WWTR1: variants seen among roughly 807,000 people sequenced by gnomAD.
WWTR1 encodes WW domain containing transcription regulator 1, also known as WW domain-containing transcription regulator protein 1.
In WWTR1, 13 loss-of-function variants were observed where a neutral mutation model predicts 40.1. The observed-to-expected ratio is 0.32, with a 90% CI of 0.21 to 0.52. WWTR1 has a LOEUF of 0.52. Among genes scored for constraint, WWTR1 ranks in the 20% least tolerant of loss-of-function variants. The pLI is 0.97. For synonymous variants in WWTR1, 230 were observed against 210.1 expected (o/e 1.09, Z -0.82); for missense variants, 436 against 523.1 (o/e 0.83, Z 1.63).
chr3:149,641,085 C>T (rs1712145661), intron 2 of WWTR1, among the ~76,000 whole-genome samples: 1 of 152,256 alleles, frequency 6.6e-6, no homozygotes, highest in South Asian at 2.1e-4. Flanking sequence ...TATGCAGGGT[C>T]CTTTTATCTT....
chr3:149,712,576 A>G (rs928432876), intron 5 of WWTR1, among the ~76,000 whole-genome samples: 19 of 152,206 alleles, frequency 1.2e-4, no homozygotes, highest in Non-Finnish European at 1.9e-4. Context: ...ATCAAGAGGA[A>G]AAGTAAGTGC....
At chr3:149,578,014 C>G (rs1011954327) in intron 2 of WWTR1, among the ~76,000 whole-genome samples, 3 of 117,996 alleles carry the variant, frequency 2.5e-5, no homozygotes, top group Admixed American at 2.1e-4. Flanking sequence ...TCCCTCCCCC[C>G]ACCCTCTCTG....
chr3:149,645,653 A>T (rs566655997), intron 2 of WWTR1, among the ~76,000 whole-genome samples: 21 of 152,236 alleles, frequency 1.4e-4, no homozygotes, highest in Non-Finnish European at 2.9e-4. Context: ...CTGATGGGTT[A>T]TCACACACAG....
chr3:149,554,422 AT>A (rs1736733994), intron 3 of WWTR1, among the ~76,000 whole-genome samples: 1 of 152,118 alleles, frequency 6.6e-6, no homozygotes, highest in South Asian at 2.1e-4. Flanking sequence ...CCAGGAAATG[AT>A]TTTCCTACTT....
chr3:149,652,617 T>C (rs1311689951), intron 2 of WWTR1, among the ~76,000 whole-genome samples: 3 of 35,390 alleles, frequency 8.5e-5, no homozygotes, highest in African/African-American at 2.1e-4. Flanking sequence ...ACAGACCCCA[T>C]CTCAAAAAAA....
intron 2 of WWTR1, among the ~76,000 whole-genome samples, chr3:149,653,557 C>A (rs1401385127): frequency 1.3e-5 from 2 of 152,168 alleles, no homozygotes; most frequent in Non-Finnish European, 2.9e-5. Context: ...ACCTGAACAC[C>A]ACAGGAAAGC....
intron 2 of WWTR1, among the ~76,000 whole-genome samples, chr3:149,584,094 ATGT>A (rs1333012541): frequency 6.6e-6 from 1 of 152,164 alleles, no homozygotes; most frequent in African/African-American, 2.4e-5. Context: ...CGTTTTTAAC[ATGT>A]TGTTTTTTCC....
chr3:149,659,144 G>C (rs1383330045), upstream of WWTR1, among the ~76,000 whole-genome samples: 1 of 152,118 alleles, frequency 6.6e-6, no homozygotes, highest in Non-Finnish European at 1.5e-5. Flanking sequence ...GAAAGGGTGG[G>C]GGGAGATGGC....
At chr3:149,630,091 G>A (rs1159712931) in intron 2 of WWTR1, among the ~76,000 whole-genome samples, 3 of 151,952 alleles carry the variant, frequency 2.0e-5, no homozygotes, top group East Asian at 3.9e-4. Flanking sequence ...AGCAATCCTC[G>A]TGCCCCAGCT....
At chr3:149,596,343 T>C (rs1739003519) in intron 2 of WWTR1, among the ~76,000 whole-genome samples, 1 of 152,222 alleles carries the variant, frequency 6.6e-6, no homozygotes. Context: ...TCATTTTTCT[T>C]CTGAATCATT....
intron 5 of WWTR1, among the ~76,000 whole-genome samples, chr3:149,714,088 G>A (rs1447440012): frequency 6.6e-6 from 1 of 152,212 alleles, no homozygotes; most frequent in Non-Finnish European, 1.5e-5. Context: ...CAGTGCGGTC[G>A]GACGTGAAGG....
chr3:149,704,317 A>G (rs1049718641), upstream of WWTR1, among the ~76,000 whole-genome samples: 4 of 152,232 alleles, frequency 2.6e-5, no homozygotes, highest in African/African-American at 9.6e-5. Flanking sequence ...ATATCACGTA[A>G]CAAACTAAGA....
chr3:149,677,892 A>G (rs867396084), intron 1 of WWTR1, among the ~76,000 whole-genome samples: 3 of 151,656 alleles, frequency 2.0e-5, no homozygotes, highest in African/African-American at 7.3e-5. Context: ...GCCTCCTAGT[A>G]GTTGGTACTA....
Position 149,526,240 on chromosome 3 carries a change from C to T in WWTR1, c.906-115G>A, listed in dbSNP as rs1041661584. On this transcript the variant is annotated intron_variant, in intron 5 of 6. Coordinates refer to ENST00000360632, the MANE Select transcript of WWTR1 (RefSeq NM_015472.6). Reference sequence around the variant, plus strand: ...CAGTTGTGCCATGCTGCCCAACTTTCCAGGTTAGGGAGGAAGGAAAGTTTT... The same window carrying T: ...CAGTTGTGCCATGCTGCCCAACTTTTCAGGTTAGGGAGGAAGGAAAGTTTT... The T allele has an allele frequency of 2.3e-5, 14 of 599,200 alleles. No homozygotes were observed. In the South Asian group the frequency reaches 6.2e-4, roughly 26 times the overall value. The allele number at this position is 599,200 out of a possible 1,614,324, so 37.1% of individuals were successfully genotyped here.
At chr3:149,668,793 C>T (rs913697379) in intron 2 of WWTR1, among the ~76,000 whole-genome samples, 1 of 152,096 alleles carries the variant, frequency 6.6e-6, no homozygotes, top group African/African-American at 2.4e-5. Context: ...ACATAAGCTC[C>T]CTCAGACACT....
chr3:149,696,683 T>C (rs1715003347), intron 1 of WWTR1, among the ~76,000 whole-genome samples: 1 of 152,196 alleles, frequency 6.6e-6, no homozygotes, highest in African/African-American at 2.4e-5. Context: ...TACCTCAGCA[T>C]TGACCTTGAC....
At chr3:149,622,502 G>GAAGAAAGAAAGAAAGAAAAGA (rs1740344603) in intron 2 of WWTR1, among the ~76,000 whole-genome samples, 2 of 46,298 alleles carry the variant, frequency 4.3e-5, no homozygotes, top group African/African-American at 1.6e-4. Flanking sequence ...AGGAAGGAAG[G>GAAGAAAGAAAGAAAGAAAAGA]AAGAAAGAAA....
chr3:149,577,850 C>G (rs1262433708), intron 2 of WWTR1, among the ~76,000 whole-genome samples: 2 of 152,120 alleles, frequency 1.3e-5, no homozygotes, highest in African/African-American at 2.4e-5. Flanking sequence ...GCCTCCCCAT[C>G]AGCCTGCGGA....
At chr3:149,563,488 G>C (rs1737177202) in intron 3 of WWTR1, among the ~76,000 whole-genome samples, 1 of 152,090 alleles carries the variant, frequency 6.6e-6, no homozygotes, top group African/African-American at 2.4e-5. Context: ...GGAATATTTG[G>C]GGTCAAGATG....
Sources: allele counts gnomAD v4.1 joint callset (sites outside exome capture counted in the v4.1 genomes callset), GRCh38; gene constraint gnomAD v4.1.1; transcripts MANE v1.5; gene names NCBI Gene and HGNC (gene_info 2026-07-23, HGNC 2026-07-21).